PLCH1: variants seen among roughly 807,000 people sequenced by gnomAD.
PLCH1 encodes the protein 1-phosphatidylinositol 4,5-bisphosphate phosphodiesterase eta-1.
Under a neutral mutation model 126.7 loss-of-function variants are expected in PLCH1, and 60 were observed. The ratio of observed to expected loss-of-function variants is 0.47; its 90% confidence interval spans 0.38 to 0.59. The LOEUF is 0.59. Ranked by LOEUF, PLCH1 falls within the 20% of genes least tolerant of loss-of-function variation. PLCH1 has a pLI of 0.00. For missense variants in PLCH1, 1,723 were observed against 2,040.0 expected, an observed-to-expected ratio of 0.84 and a Z score of 2.99; for synonymous variants, 719 against 734.9, an observed-to-expected ratio of 0.98 and a Z score of 0.35.
At position 155,566,300 on chromosome 3, in the gene PLCH1, CACATATATATACATATAT is replaced by C. The variant is rs1560176889; in HGVS notation, c.866-1200_866-1183del. On this transcript the variant is annotated intron_variant, in intron 7 of 22. Transcript: ENST00000460012. ...ATATACATATATATACGTATATATACACATATATATACATATATACATATATATACGTATATATACACA... is the reference window on the plus strand; with the variant it reads ...ATATACATATATATACGTATATATACACATATATATACGTATATATACACA... Among the ~76,000 whole-genome samples the C allele has an allele frequency of 1.4e-3, 33 of 22,904 alleles. 6 individuals carry two copies. Among genetic ancestry groups the C allele is most frequent in the South Asian group, 5.6e-3 (6 of 1,072 alleles). 15.0% of individuals were successfully genotyped at this position (22,904 alleles called of 152,430 possible). A position where few individuals can be genotyped will look rare whatever the true frequency, so the allele number is the denominator to read the frequency against.
chr3:155,596,916 A>G (rs1472617454), intron 2 of PLCH1, among the ~76,000 whole-genome samples: 1 of 152,252 alleles, frequency 6.6e-6, no homozygotes, highest in Non-Finnish European at 1.5e-5. Context: ...AAAAAAATCA[A>G]GTTTTCACAG....
intron 10 of PLCH1, among the ~76,000 whole-genome samples, chr3:155,543,498 G>C (rs529668600): frequency 1.3e-3 from 198 of 152,308 alleles, no homozygotes; most frequent in African/African-American, 4.6e-3. Context: ...CCCCAGTCTA[G>C]CAAGGCAGGC....
At chr3:155,720,114 A>G (rs1054350693) in intron 1 of PLCH1, among the ~76,000 whole-genome samples, 14 of 152,044 alleles carry the variant, frequency 9.2e-5, no homozygotes, top group Admixed American at 7.9e-4. Flanking sequence ...TTATCCACTC[A>G]TTGATTGATG....
intron 2 of PLCH1, among the ~76,000 whole-genome samples, chr3:155,612,663 T>C (rs1577140228): frequency 1.3e-5 from 2 of 151,742 alleles, no homozygotes; most frequent in Admixed American, 1.3e-4. Flanking sequence ...ATAATCCCAG[T>C]ACTTCGGGAG....
chr3:155,707,014 A>T (rs1328398663), intron 1 of PLCH1, among the ~76,000 whole-genome samples: 1 of 152,098 alleles, frequency 6.6e-6, no homozygotes, highest in Non-Finnish European at 1.5e-5. Flanking sequence ...TGGGACCTTT[A>T]GTCTCCACCC....
At chr3:155,487,370 C>T (rs113560177) in intron 21 of PLCH1, among the ~76,000 whole-genome samples, 1,715 of 152,266 alleles carry the variant, frequency 0.011, 23 homozygotes, top group Non-Finnish European at 0.018. Flanking sequence ...CTCCAAATCC[C>T]GTGTGGTCCT....
intron 9 of PLCH1, among the ~76,000 whole-genome samples, chr3:155,550,306 T>C (rs1189980810): frequency 6.6e-6 from 1 of 152,214 alleles, no homozygotes; most frequent in Admixed American, 6.5e-5. Context: ...ACTCATATAA[T>C]GTAATTTTGT....
intron 1 of PLCH1, among the ~76,000 whole-genome samples, chr3:155,713,019 G>T (rs908848622): frequency 2.8e-5 from 4 of 144,594 alleles, no homozygotes; most frequent in Non-Finnish European, 6.0e-5. Flanking sequence ...CCTTACAATA[G>T]CCCTGTGAGT....
At chr3:155,494,885 C>A (rs1284251636) in intron 15 of PLCH1, among the ~76,000 whole-genome samples, 1 of 151,930 alleles carries the variant, frequency 6.6e-6, no homozygotes, top group African/African-American at 2.4e-5. Flanking sequence ...ATATAGACAA[C>A]CATGGATAAA....
intron 2 of PLCH1, among the ~76,000 whole-genome samples, chr3:155,649,902 C>T (rs6441006): frequency 0.17 from 26,067 of 151,842 alleles, 2,616 homozygotes; most frequent in East Asian, 0.43. Context: ...GGCATGAACC[C>T]GGGAGGCGGA....
intron 2 of PLCH1, among the ~76,000 whole-genome samples, chr3:155,695,738 C>T (rs553652509): frequency 1.3e-5 from 2 of 152,236 alleles, no homozygotes; most frequent in East Asian, 1.9e-4. Context: ...GCACAGTGAC[C>T]GGAGATCATA....
At chr3:155,578,562 G>C (rs981277442) in intron 6 of PLCH1, among the ~76,000 whole-genome samples, 1 of 152,104 alleles carries the variant, frequency 6.6e-6, no homozygotes, top group Non-Finnish European at 1.5e-5. Context: ...TGATGAAAAG[G>C]GGTTCATTAT....
chr3:155,671,453 A>T (rs891435188), intron 2 of PLCH1, among the ~76,000 whole-genome samples: 3 of 152,246 alleles, frequency 2.0e-5, no homozygotes, highest in Non-Finnish European at 1.5e-5. Context: ...ACAATAATGT[A>T]AATGTAAGTA....
chr3:155,458,638 A>T (rs1712592188), intron 21 of PLCH1, among the ~76,000 whole-genome samples: 1 of 152,166 alleles, frequency 6.6e-6, no homozygotes, highest in Non-Finnish European at 1.5e-5. Flanking sequence ...AGTGTGGGTA[A>T]ACTGGAAATG....
At chr3:155,613,811 A>AT (rs1227702137) in intron 2 of PLCH1, among the ~76,000 whole-genome samples, 1 of 108,376 alleles carries the variant, frequency 9.2e-6, no homozygotes, top group African/African-American at 5.6e-5. Flanking sequence ...AGAGCAATCA[A>AT]ACGAGAAAAA....
chr3:155,542,523 G>A (rs996476268), intron 10 of PLCH1, among the ~76,000 whole-genome samples: 1 of 152,136 alleles, frequency 6.6e-6, no homozygotes, highest in Non-Finnish European at 1.5e-5. Context: ...TGACAGCTTT[G>A]AAGAGAGCAG....
intron 1 of PLCH1, chr3:155,742,141 G>A (rs1275912731): frequency 1.3e-5 from 2 of 152,144 alleles, no homozygotes; most frequent in Non-Finnish European, 2.9e-5. Context: ...ACAGCTCTTA[G>A]TTCATTCAGA....
At chr3:155,598,201 TTAAAA>T (rs896845458) in intron 2 of PLCH1, among the ~76,000 whole-genome samples, 1 of 151,978 alleles carries the variant, frequency 6.6e-6, no homozygotes, top group African/African-American at 2.4e-5. Context: ...AAAAAATTAC[TTAAAA>T]TAAACACACA....
At chr3:155,628,442 C>T (rs573224448) in intron 2 of PLCH1, among the ~76,000 whole-genome samples, 41 of 151,654 alleles carry the variant, frequency 2.7e-4, no homozygotes, top group African/African-American at 9.0e-4. Flanking sequence ...GCTAAGTTCC[C>T]CTCAGCTTAC....
Sources: allele counts gnomAD v4.1 joint callset (sites outside exome capture counted in the v4.1 genomes callset), GRCh38; gene constraint gnomAD v4.1.1; transcripts MANE v1.5; gene names NCBI Gene and HGNC (gene_info 2026-07-23, HGNC 2026-07-21).